Variants in EPHA3 observed in about 807,000 individuals in gnomAD.
EPHA3 encodes the protein ephrin type-A receptor 3.
Under a neutral mutation model 107.1 loss-of-function variants are expected in EPHA3, and 42 were observed. The observed-to-expected ratio is 0.39, with a 90% CI of 0.31 to 0.51. The LOEUF (loss-of-function observed/expected upper bound fraction) is 0.51, where lower values mean the gene tolerates loss of function less well. Ranked by LOEUF, EPHA3 falls within the 20% of genes least tolerant of loss-of-function variation. EPHA3 has a pLI of 0.78. For missense variants in EPHA3, 1,183 were observed against 1,211.2 expected, an observed-to-expected ratio of 0.98 and a Z score of 0.35; for synonymous variants, 461 against 424.8, an observed-to-expected ratio of 1.09 and a Z score of -1.05.
In EPHA3 at chr3:89,219,795, A is replaced by G. The variant is rs367846719; in HGVS notation, c.814+9275A>G. On this transcript the variant is annotated intron_variant, in intron 3 of 16. Coordinates refer to ENST00000336596, the MANE Select transcript of EPHA3 (RefSeq NM_005233.6). ...GGGATCTCGGCTCACTGCAAGCTCC[A>G]CCTCCCGGGTTCACGCCATTCTCCT... Among the ~76,000 whole-genome samples, 78 of 118,410 alleles carry G rather than the reference A, an allele frequency of 6.6e-4. 1 individual carries two copies. Among genetic ancestry groups the G allele is most frequent in the Admixed American group, 1.6e-3 (17 of 10,540 alleles). The allele number at this position is 118,410 out of a possible 152,430, so 77.7% of individuals were successfully genotyped here.
At chr3:89,357,820 A>G (rs1471784121) in intron 5 of EPHA3, among the ~76,000 whole-genome samples, 1 of 151,212 alleles carries the variant, frequency 6.6e-6, no homozygotes, top group African/African-American at 2.4e-5. Context: ...ATAGTAAAAA[A>G]CTTCAGTTTA....
rs564003711 is a variant in EPHA3, at chr3:89,436,683, A to G, written c.2346+5324A>G. Among the ~76,000 whole-genome samples, 3 of 152,320 alleles carry G rather than the reference A, an allele frequency of 2.0e-5. No homozygotes were observed. In the East Asian group the frequency reaches 5.8e-4, roughly 29 times the overall value. ...GTATTTAAAACTTCTTAAACTTTGAAGAGTATTTGAGGAGTTGAGGAAACA... is the reference window on the plus strand; with the variant it reads ...GTATTTAAAACTTCTTAAACTTTGAGGAGTATTTGAGGAGTTGAGGAAACA... On this transcript the variant is annotated intron_variant, in intron 13 of 16. Transcript: ENST00000336596.
intron 2 of EPHA3, among the ~76,000 whole-genome samples, chr3:89,208,696 A>G (rs1706188841): frequency 6.6e-6 from 1 of 152,102 alleles, no homozygotes; most frequent in Non-Finnish European, 1.5e-5. Context: ...GTAAACAATA[A>G]AAGAGTTTAC....
chr3:89,438,118 G>GTTTTGT (rs1709709654), intron 13 of EPHA3, among the ~76,000 whole-genome samples: 1 of 150,804 alleles, frequency 6.6e-6, no homozygotes, highest in Non-Finnish European at 1.5e-5. Flanking sequence ...GTTTTGTTTT[G>GTTTTGT]TTTTTTTTGA....
chr3:89,291,049 C>G (rs1706196914), intron 3 of EPHA3, among the ~76,000 whole-genome samples: 1 of 151,998 alleles, frequency 6.6e-6, no homozygotes, highest in Admixed American at 6.6e-5. Context: ...CTTTATATAC[C>G]CTTTGTAGTC....
In EPHA3 at chr3:89,399,190, CTT is replaced by C. The variant is rs544848581; in HGVS notation, c.1432-124_1432-123del. On this transcript the variant is annotated intron_variant, in intron 6 of 16. Coordinates refer to ENST00000336596, the MANE Select transcript of EPHA3 (RefSeq NM_005233.6). ...AAAATAATTGAAATAATCGATATGA[CTT>C]TTTAAATCCATCCTATGATTTGTGT... The C allele has an allele frequency of 1.5e-3, 1,360 of 889,162 alleles. 1 individual carries two copies. Among genetic ancestry groups the C allele is most frequent in the Non-Finnish European group, 2.0e-3 (1,220 of 619,590 alleles). 55.1% of individuals were successfully genotyped at this position (889,162 alleles called of 1,614,324 possible).
At chr3:89,407,246 A>T in intron 7 of EPHA3, 23 bp from the exon 8 acceptor site, 2 of 1,574,560 alleles carry the variant, frequency 1.3e-6, no homozygotes, top group Non-Finnish European at 1.7e-6. Context: ...ACCTGTTCTT[A>T]TTTTTTCTCT....
At position 89,481,537 on chromosome 3, in the gene EPHA3, T is replaced by G; in HGVS notation, c.*2035T>G. On this transcript the variant is annotated 3_prime_UTR_variant, in exon 17 of 17. Transcript: ENST00000336596. Reference sequence around the variant, plus strand: ...CTATTTTCTTTTTTAGGTACTATTCTGAGCATACTCAACAAAACCCATGCA... The same window carrying G: ...CTATTTTCTTTTTTAGGTACTATTCGGAGCATACTCAACAAAACCCATGCA... 1 of 232,328 alleles carries G rather than the reference T, an allele frequency of 4.3e-6. No individual in the cohort carries two copies. Among genetic ancestry groups the G allele is most frequent in the Non-Finnish European group, 8.5e-6 (1 of 117,548 alleles). 14.4% of individuals were successfully genotyped at this position (232,328 alleles called of 1,614,324 possible). A position where few individuals can be genotyped will look rare whatever the true frequency, so the allele number is the denominator to read the frequency against.
chr3:89,366,522 A>G (rs114807234), intron 5 of EPHA3, among the ~76,000 whole-genome samples: 2,273 of 151,038 alleles, frequency 0.015, 60 homozygotes, highest in African/African-American at 0.052. Context: ...CTGATTCTTG[A>G]GAAAGATCTT....
In EPHA3 at chr3:89,479,391, T is replaced by C. The variant is rs1270366603; in HGVS notation, c.2847-6T>C. On this transcript the variant is annotated splice_polypyrimidine_tract_variant and splice_region_variant and intron_variant, in intron 16 of 16. Transcript: ENST00000336596. ...CCGATTCTTATATTGTTTTCTTTTTTTACAGTGACATGAAAAAGGTTGGTG... is the reference window on the plus strand; with the variant it reads ...CCGATTCTTATATTGTTTTCTTTTTCTACAGTGACATGAAAAAGGTTGGTG... 1.2e-6 allele frequency: 2 copies of C among 1,611,882 alleles called. No homozygotes were observed. Among genetic ancestry groups the C allele is most frequent in the East Asian group, 4.5e-5 (2 of 44,864 alleles).
intron 13 of EPHA3, among the ~76,000 whole-genome samples, chr3:89,431,899 T>A (rs1369229367): frequency 2.6e-5 from 4 of 152,172 alleles, no homozygotes; most frequent in Non-Finnish European, 5.9e-5. Context: ...ACAAACTTGT[T>A]CATGAATATA....
chr3:89,357,790 T>A (rs2107453240), intron 5 of EPHA3, among the ~76,000 whole-genome samples: 1 of 151,372 alleles, frequency 6.6e-6, no homozygotes, highest in Non-Finnish European at 1.5e-5. Flanking sequence ...TAGCATGCTT[T>A]TCTCTTGGTT....
At chr3:89,271,822 C>G (rs981427139) in intron 3 of EPHA3, among the ~76,000 whole-genome samples, 1 of 151,886 alleles carries the variant, frequency 6.6e-6, no homozygotes, top group Middle Eastern at 3.4e-3. Context: ...ACTGGGCCCT[C>G]GAACAACATG....
At chr3:89,112,567 G>C (rs576091194) in intron 1 of EPHA3, among the ~76,000 whole-genome samples, 1 of 150,126 alleles carries the variant, frequency 6.7e-6, no homozygotes, top group Non-Finnish European at 1.5e-5. Context: ...ATATCAAATA[G>C]TTACTTTTGC....
intron 3 of EPHA3, among the ~76,000 whole-genome samples, chr3:89,286,546 T>C (rs547250432): frequency 3.7e-4 from 56 of 152,174 alleles, no homozygotes; most frequent in Non-Finnish European, 6.2e-4. Flanking sequence ...ATGGGTAAAA[T>C]ACTGAGTATG....
chr3:89,123,490 A>C (rs1707436383), intron 1 of EPHA3, among the ~76,000 whole-genome samples: 2 of 152,030 alleles, frequency 1.3e-5, no homozygotes, highest in Admixed American at 6.6e-5. Flanking sequence ...CTTCTTATTT[A>C]CGTCAGAAAC....
At chr3:89,443,914 A>G (rs188401134) in intron 13 of EPHA3, among the ~76,000 whole-genome samples, 72 of 152,318 alleles carry the variant, frequency 4.7e-4, no homozygotes, top group African/African-American at 1.6e-3. Flanking sequence ...AGTTACAGAA[A>G]AAAGGAAAAA....
At chr3:89,154,605 A>G (rs1704758646) in intron 2 of EPHA3, among the ~76,000 whole-genome samples, 1 of 151,744 alleles carries the variant, frequency 6.6e-6, no homozygotes, top group Admixed American at 6.6e-5. Flanking sequence ...AGGATTAATT[A>G]TATAAATCAT....
intron 2 of EPHA3, among the ~76,000 whole-genome samples, chr3:89,192,545 G>C (rs1705745284): frequency 6.6e-6 from 1 of 152,038 alleles, no homozygotes; most frequent in East Asian, 1.9e-4. Context: ...TAAAATGACT[G>C]TAGGATTTAG....
Sources: gnomAD v4.1 joint callset for allele counts (sites outside exome capture counted in the v4.1 genomes callset) on GRCh38, gnomAD v4.1.1 for gene constraint, MANE v1.5 for transcripts, NCBI Gene and HGNC (gene_info 2026-07-23, HGNC 2026-07-21) for gene names.